The following GPR143 variants were observed in gnomAD, a reference collection of about 807,000 sequenced individuals.
The protein encoded by GPR143 is G-protein coupled receptor 143.
Under a neutral mutation model 27.6 loss-of-function variants are expected in GPR143, and 8 were observed. That is an observed-to-expected ratio of 0.29 (90% confidence interval 0.17 to 0.52). The LOEUF is 0.52. Ranked by LOEUF, GPR143 falls within the 20% of genes least tolerant of loss-of-function variation. The pLI, the probability that GPR143 is intolerant of heterozygous loss-of-function variation, is 0.96. For synonymous variants in GPR143, 156 were observed against 153.2 expected, an observed-to-expected ratio of 1.02 and a Z score of -0.13; for missense variants, 303 against 343.1, an observed-to-expected ratio of 0.88 and a Z score of 0.92.
intron 1 of GPR143, among the ~76,000 whole-genome samples, chrX:9,761,383 G>A (rs1479059140): frequency 2.7e-5 from 3 of 112,600 alleles, no homozygotes; most frequent in African/African-American, 9.7e-5. Context: ...GAGCCACCGC[G>A]CCTGGCCTGA....
At chrX:9,733,440 T>C (rs1405516401) in intron 8 of GPR143, among the ~76,000 whole-genome samples, 1 of 110,082 alleles carries the variant, frequency 9.1e-6, no homozygotes, top group Non-Finnish European at 1.9e-5. Context: ...AAGATGGGGA[T>C]TGTGGGAGAC....
chrX:9,727,428 A>G (rs1389856534), intron 8 of GPR143, among the ~76,000 whole-genome samples: 1 of 112,902 alleles, frequency 8.9e-6, no homozygotes, highest in African/African-American at 3.2e-5. Flanking sequence ...AGAACTTGAG[A>G]ACTGGTGTGC....
At chrX:9,750,890 G>A (rs186830221) in intron 3 of GPR143, among the ~76,000 whole-genome samples, 2,666 of 112,424 alleles carry the variant, frequency 0.024, 89 homozygotes, top group African/African-American at 0.081. Context: ...ATAAGCTGCC[G>A]CCAGTCTGTG....
intron 3 of GPR143, among the ~76,000 whole-genome samples, chrX:9,750,761 C>T (rs1265795690): frequency 8.9e-6 from 1 of 111,778 alleles, no homozygotes; most frequent in Non-Finnish European, 1.9e-5. Context: ...CAGCATTTCA[C>T]CATGTTGGCC....
intron 3 of GPR143, among the ~76,000 whole-genome samples, chrX:9,755,478 T>G: frequency 1.1e-5 from 1 of 91,037 alleles, no homozygotes; most frequent in African/African-American, 4.3e-5. Context: ...AAACTAAGAG[T>G]GAAACTCCAT....
At chrX:9,748,796 T>C in intron 3 of GPR143, 130 bp from the exon 4 acceptor site, 1 of 499,217 alleles carries the variant, frequency 2.0e-6, no homozygotes, top group Admixed American at 2.8e-5. Flanking sequence ...CGGCAAAGAG[T>C]TTCCTCGTGC....
At chrX:9,748,772 AG>A (rs2083439492) in intron 3 of GPR143, 106 bp from the exon 4 acceptor site, 2 of 542,539 alleles carry the variant, frequency 3.7e-6, no homozygotes, top group Admixed American at 2.7e-5. Context: ...AAATGTACAC[AG>A]AGGAAAGCCC....
rs989615502 is a variant in GPR143, at chrX:9,762,184, G to C, written c.251-1358C>G. ...GTGGGTGGATCACCTGAGGTCAGGA[G>C]TTTAAGACCAGCCTAGCCAACATGG... On this transcript the variant is annotated intron_variant, in intron 1 of 8. Transcript: ENST00000467482. 3.6e-5 allele frequency among the ~76,000 whole-genome samples: 4 copies of C among 111,568 alleles called. No homozygotes were observed. The East Asian group carries it at 8.4e-4, about 24-fold the overall frequency.
chrX:9,752,918 G>A (rs904105988), intron 3 of GPR143, among the ~76,000 whole-genome samples: 1 of 111,061 alleles, frequency 9.0e-6, no homozygotes, highest in Admixed American at 9.6e-5. Context: ...CGTGGCTGGA[G>A]TGGGGAGGGT....
chrX:9,753,248 C>T (rs2083459167), intron 3 of GPR143, among the ~76,000 whole-genome samples: 1 of 109,998 alleles, frequency 9.1e-6, no homozygotes, highest in Non-Finnish European at 1.9e-5. Flanking sequence ...GTCCCAGCTA[C>T]TCAGGAGACT....
intron 6 of GPR143, 112 bp from the exon 7 acceptor site, chrX:9,741,567 G>A (rs1425115134): frequency 2.0e-6 from 1 of 494,384 alleles, no homozygotes; most frequent in Non-Finnish European, 3.7e-6. Context: ...CCAACTCCCG[G>A]TATAGACATG....
In GPR143 at chrX:9,759,391, C is replaced by A. The variant is rs148358078; in HGVS notation, c.396G>T (p.Trp132Cys). The A allele has an allele frequency of 3.3e-6, 4 of 1,197,893 alleles. No homozygotes were observed. The African/African-American group carries it at 5.3e-5, about 16-fold the overall frequency. Residue 132 changes from tryptophan (W) to cysteine (C), a missense_variant, in exon 3 of 9, where the codon TGG becomes TGT. Coordinates refer to ENST00000467482, the MANE Select transcript of GPR143 (RefSeq NM_000273.3). ...CATCCACTGCATAGCAAAACAGCCACCAGAAGCAGGCACTGTACAACAGCT... is the reference window on the plus strand; with the variant it reads ...CATCCACTGCATAGCAAAACAGCCAACAGAAGCAGGCACTGTACAACAGCT... ...WIQLLYSACFWWLFCYAVDAY... is the reference protein window; with the variant it reads ...WIQLLYSACFCWLFCYAVDAY...
At chrX:9,760,664 G>T in intron 2 of GPR143, 53 bp downstream of exon 2, 1 of 656,911 alleles carries the variant, frequency 1.5e-6, no homozygotes, top group Non-Finnish European at 2.5e-6. Context: ...CTGCTGCTGC[G>T]ATTTGAGGAG....
chrX:9,762,916 T>C (rs773480027), intron 1 of GPR143, among the ~76,000 whole-genome samples: 4 of 111,266 alleles, frequency 3.6e-5, no homozygotes, highest in Non-Finnish European at 7.5e-5. Flanking sequence ...CAAGTATTAT[T>C]CACTAACCCT....
At chrX:9,769,329 C>T (rs2083545520), upstream of GPR143, among the ~76,000 whole-genome samples, 1 of 111,686 alleles carries the variant, frequency 9.0e-6, no homozygotes, top group Admixed American at 9.6e-5. Context: ...ATTTACCCAC[C>T]ATTCCCACTT....
At chrX:9,771,807 G>C (rs182182047) in intron 1 of GPR143, among the ~76,000 whole-genome samples, 34 of 102,924 alleles carry the variant, frequency 3.3e-4, no homozygotes, top group African/African-American at 1.2e-3. Flanking sequence ...CGCCTCCCAG[G>C]TTGAAGCGAT....
intron 8 of GPR143, among the ~76,000 whole-genome samples, chrX:9,732,747 C>A (rs180953674): frequency 1.8e-3 from 196 of 108,286 alleles, no homozygotes; most frequent in Non-Finnish European, 3.3e-3. Context: ...CCTGTAGTCC[C>A]AGCTACTCCG....
At chrX:9,768,327 G>A (rs2083542302), upstream of GPR143, among the ~76,000 whole-genome samples, 1 of 111,859 alleles carries the variant, frequency 8.9e-6, no homozygotes, top group African/African-American at 3.2e-5. Flanking sequence ...AAGAGTTTGA[G>A]ACCATCCTGG....
At chrX:9,747,009 TAAAA>T (rs56761188) in intron 4 of GPR143, among the ~76,000 whole-genome samples, 8 of 37,630 alleles carry the variant, frequency 2.1e-4, no homozygotes, top group Non-Finnish European at 4.2e-4. Context: ...GCAGAAAATG[TAAAA>T]AAAAAAAAAA....
Sources: allele counts gnomAD v4.1 joint callset (sites outside exome capture counted in the v4.1 genomes callset), GRCh38; gene constraint gnomAD v4.1.1; transcripts MANE v1.5; gene names NCBI Gene and HGNC (gene_info 2026-07-23, HGNC 2026-07-21).